C2CD3: variants seen among roughly 807,000 people sequenced by gnomAD.
The protein encoded by C2CD3 is C2 domain-containing protein 3.
C2CD3 carries 148 observed loss-of-function variants against 234.0 expected under a neutral mutation model. The ratio of observed to expected loss-of-function variants is 0.63; its 90% CI spans 0.55 to 0.72. C2CD3 has a LOEUF of 0.72. Ranked by LOEUF, C2CD3 falls within the 30% of genes least tolerant of loss-of-function variation. The pLI, the probability that C2CD3 is intolerant of heterozygous loss-of-function variation, is 0.00. For missense variants in C2CD3, 2,577 were observed against 2,811.5 expected, an observed-to-expected ratio of 0.92 and a Z score of 1.89; for synonymous variants, 1,000 against 1,035.4, an observed-to-expected ratio of 0.97 and a Z score of 0.66.
intron 7 of C2CD3, among the ~76,000 whole-genome samples, chr11:74,128,166 T>C (rs1957480764): frequency 6.6e-6 from 1 of 152,250 alleles, no homozygotes; most frequent in Non-Finnish European, 1.5e-5. Flanking sequence ...CCCAGCCATA[T>C]TGGCTATCTT....
At chr11:74,107,321 G>GTC (rs915783712) in intron 12 of C2CD3, among the ~76,000 whole-genome samples, 17 of 125,050 alleles carry the variant, frequency 1.4e-4, no homozygotes, top group South Asian at 4.6e-4. Context: ...ATGAAACTGT[G>GTC]TCACACACAC....
chr11:74,099,709 A>G (rs1956240288), intron 15 of C2CD3, among the ~76,000 whole-genome samples: 1 of 152,134 alleles, frequency 6.6e-6, no homozygotes, highest in Non-Finnish European at 1.5e-5. Flanking sequence ...GTCCTGGTTA[A>G]GACGGTGAAA....
intron 32 of C2CD3, 22 bp downstream of exon 32, chr11:74,028,265 G>C (rs1012337398): frequency 6.8e-7 from 1 of 1,469,700 alleles, no homozygotes; most frequent in East Asian, 2.5e-5. Context: ...ATAGAAGAAA[G>C]GTCAGTTGGC....
At chr11:74,054,224 A>G (rs1309670498) in intron 26 of C2CD3, among the ~76,000 whole-genome samples, 1 of 150,492 alleles carries the variant, frequency 6.6e-6, no homozygotes, top group East Asian at 2.0e-4. Context: ...GTGAGCCAAG[A>G]TCGTGCCACT....
At chr11:74,069,501 A>G (rs1325955336) in intron 24 of C2CD3, among the ~76,000 whole-genome samples, 1 of 152,224 alleles carries the variant, frequency 6.6e-6, no homozygotes, top group African/African-American at 2.4e-5. Context: ...TCATATTTAG[A>G]TAATGCGTTA....
Position 74,133,533 on chromosome 11 carries a change from A to T in C2CD3, c.980T>A (p.Leu327Gln), listed in dbSNP as rs1957749734. 1 of 1,614,074 alleles carries T rather than the reference A, an allele frequency of 6.2e-7. No homozygotes were observed. The highest frequency in any genetic ancestry group is 8.5e-7 in the Non-Finnish European group (1 of 1,179,976). Residue 327 changes from leucine to glutamine, a missense_variant, in exon 6 of 33, where the codon CTG becomes CAG. Coordinates refer to ENST00000334126, the MANE Select transcript of C2CD3 (RefSeq NM_001286577.2). ...TGCAGAAATCACCATGGCATTACGC[A>T]GTTTATTGCCTTGTTCTAACAGAGC... is the stretch of plus-strand genomic sequence containing the variant. ...LSALLEQGNK[L>Q]RNAMVISAMK...
chr11:74,020,158 C>T (rs1327670823), intron 32 of C2CD3, among the ~76,000 whole-genome samples: 1 of 152,220 alleles, frequency 6.6e-6, no homozygotes, highest in South Asian at 2.1e-4. Flanking sequence ...CAGGAAGGCA[C>T]AGAGCAAGAC....
chr11:74,014,426 C>T (rs1041056660), intron 32 of C2CD3, among the ~76,000 whole-genome samples: 5 of 152,226 alleles, frequency 3.3e-5, no homozygotes, highest in Non-Finnish European at 7.3e-5. Flanking sequence ...TGAGAGCACA[C>T]TGTACCACTT....
Position 74,100,638 on chromosome 11 carries a change from C to G in C2CD3, c.2619G>C (p.Arg873Ser). Residue 873 changes from arginine (R) to serine (S), a missense_variant, in exon 15 of 33, where the codon AGG becomes AGC. Transcript: ENST00000334126. ...PVSLSSKYLE[R>S]LKNNVMVIET... is the part of the protein sequence containing the mutation. The stretch of plus-strand genomic sequence containing the variant: ...CAATTACCATCACATTGTTCTTAAG[C>G]CTTTCCAGGTATTTGGAAGACAGAG... The G allele has an allele frequency of 6.2e-7, 1 of 1,613,964 alleles. No individual in the cohort carries two copies. Among genetic ancestry groups the G allele is most frequent in the South Asian group, 1.1e-5 (1 of 91,062 alleles).
In C2CD3 at chr11:74,078,700, G is replaced by T. The variant is rs774254993; in HGVS notation, c.4018C>A (p.Pro1340Thr). The change falls in exon 23 of 33, where the codon CCT (proline) becomes ACT (threonine). Residue 1340 changes from proline (P) to threonine (T), a missense_variant. By Grantham distance (38) the Pro-to-Thr change is conservative. Transcript: ENST00000334126. Reference protein sequence around the residue: ...IKRSGITGWYPIILPEDGGLP... With the variant: ...IKRSGITGWYTIILPEDGGLP... ...CCCCCGTCTTCTGGTAAAATGATAG[G>T]ATACCATCCTGTGATCCCTTACGGG... The T allele has an allele frequency of 3.1e-6, 5 of 1,604,254 alleles. No individual in the cohort carries two copies. Among genetic ancestry groups the T allele is most frequent in the Non-Finnish European group, 4.3e-6 (5 of 1,175,874 alleles).
rs765311669 is a variant in C2CD3 at position 74,103,405 on chromosome 11, T to C, written c.2306A>G (p.Lys769Arg). 1.2e-6 allele frequency: 2 copies of C among 1,614,202 alleles called. No homozygotes were observed. Among genetic ancestry groups the C allele is most frequent in the Non-Finnish European group, 1.7e-6 (2 of 1,180,042 alleles). ...ATGTGGTGCTACAGGGCTTGGTGACTTTCGGTTGGGGAGCACCAAGTTCTG... is the reference window on the plus strand; with the variant it reads ...ATGTGGTGCTACAGGGCTTGGTGACCTTCGGTTGGGGAGCACCAAGTTCTG... The part of the protein sequence containing the change: ...KAQNLVLPNR[K>R]SPSPVAPHPS... Residue 769 changes from lysine (K) to arginine (R), a missense_variant, in exon 14 of 33, where the codon AAG becomes AGG. Lys to Arg is a conservative substitution (Grantham distance 26). Transcript: ENST00000334126.
chr11:74,051,338 T>A (rs1470558407), intron 26 of C2CD3, among the ~76,000 whole-genome samples: 1 of 152,058 alleles, frequency 6.6e-6, no homozygotes, highest in Admixed American at 6.6e-5. Context: ...TTGGAAAGTT[T>A]TTGATTCTAT....
chr11:74,071,080 AATGTTAAC>A (rs1245599529), intron 24 of C2CD3, among the ~76,000 whole-genome samples: 1 of 152,168 alleles, frequency 6.6e-6, no homozygotes, highest in African/African-American at 2.4e-5. Flanking sequence ...CTGTACTAAA[AATGTTAAC>A]ATGTCTCTCC....
intron 30 of C2CD3, 39 bp downstream of exon 30, chr11:74,037,439 T>C (rs1354017360): frequency 6.7e-7 from 1 of 1,497,034 alleles, no homozygotes; most frequent in South Asian, 1.1e-5. Context: ...TAGCACCTAG[T>C]GACCATAACA....
In C2CD3 at chr11:74,033,658, CA is replaced by C; in HGVS notation, c.6501del (p.Ala2168ProfsTer63). On this transcript the variant is annotated frameshift_variant, in exon 31 of 33. Coordinates refer to ENST00000334126, the MANE Select transcript of C2CD3 (RefSeq NM_001286577.2). LOFTEE classifies it high-confidence loss of function. Reference sequence around the variant, plus strand: ...GGGATGGGCTGAGGGTTGGCTGAGGCAGACTCGCCACCAACCCTGGCCTTAG... The same window carrying C: ...GGGATGGGCTGAGGGTTGGCTGAGGCGACTCGCCACCAACCCTGGCCTTAG... ...EASKARVGGE[S>X]ASANPQPIPC... 6.5e-7 allele frequency: 1 copy of C among 1,536,242 alleles called. No individual in the cohort carries two copies. Among genetic ancestry groups the C allele is most frequent in the Non-Finnish European group, 8.7e-7 (1 of 1,146,914 alleles).
chr11:74,068,845 G>A (rs1291192906), intron 24 of C2CD3, among the ~76,000 whole-genome samples: 4 of 151,966 alleles, frequency 2.6e-5, no homozygotes, highest in South Asian at 2.1e-4. Flanking sequence ...TCACTCTGTC[G>A]CCCAGGCTGG....
rs531876046 is a variant in C2CD3 at position 74,076,056 on chromosome 11, A to G, written c.4604-1456T>C. On this transcript the variant is annotated intron_variant, in intron 23 of 32. Coordinates refer to ENST00000334126, the MANE Select transcript of C2CD3 (RefSeq NM_001286577.2). ...CTTAGATCTATATTCAGTGTCCTAA[A>G]CCTACTTTCTTCAGCAGAATGAAGC... Among the ~76,000 whole-genome samples, 5 of 152,302 alleles carry G rather than the reference A, an allele frequency of 3.3e-5. No homozygotes were observed. The East Asian group carries it at 9.6e-4, about 29-fold the overall frequency.
At chr11:74,084,235 C>G (rs951387365) in intron 22 of C2CD3, among the ~76,000 whole-genome samples, 1 of 151,972 alleles carries the variant, frequency 6.6e-6, no homozygotes, top group African/African-American at 2.4e-5. Context: ...TAGGTGGGAA[C>G]TGAACAATGA....
At position 74,034,087 on chromosome 11, in the gene C2CD3, C is replaced by G; in HGVS notation, c.6073G>C (p.Glu2025Gln). The G allele has an allele frequency of 2.0e-6, 3 of 1,536,188 alleles. No individual in the cohort carries two copies. Among genetic ancestry groups the G allele is most frequent in the African/African-American group, 2.7e-5 (2 of 73,132 alleles). The change falls in exon 31 of 33, where the codon GAA becomes CAA. Residue 2025 changes from glutamate to glutamine, a missense_variant. Glu to Gln is a conservative substitution (Grantham distance 29). Transcript: ENST00000334126. Reference protein sequence around the residue: ...GTDSPSPPPLEETSNGGRMLH... With the variant: ...GTDSPSPPPLQETSNGGRMLH... ...ATTCTTCCTCCATTTGAAGTCTCTTCGAGAGGAGGGGGTGATGGGGAATCT... is the reference window on the plus strand; with the variant it reads ...ATTCTTCCTCCATTTGAAGTCTCTTGGAGAGGAGGGGGTGATGGGGAATCT...
Sources: gnomAD v4.1 joint callset for allele counts (sites outside exome capture counted in the v4.1 genomes callset) on GRCh38, gnomAD v4.1.1 for gene constraint, MANE v1.5 for transcripts, NCBI Gene and HGNC (gene_info 2026-07-23, HGNC 2026-07-21) for gene names.